The following DKK4 variants were observed in gnomAD, a reference collection of about 807,000 sequenced individuals.
DKK4 encodes the protein dickkopf Wnt signaling pathway inhibitor 4, also known as dickkopf-related protein 4.
DKK4 carries 15 observed loss-of-function variants against 14.5 expected under a neutral mutation model. That is an observed-to-expected ratio of 1.03 (90% confidence interval 0.69 to 1.59). The LOEUF is 1.59. DKK4 is among the 40% of genes most tolerant of loss of function. The pLI, the probability that DKK4 is intolerant of heterozygous loss-of-function variation, is 0.00. For missense variants in DKK4, 272 were observed against 280.3 expected, an observed-to-expected ratio of 0.97 and a Z score of 0.21; for synonymous variants, 89 against 105.2, an observed-to-expected ratio of 0.85 and a Z score of 0.94.
the DKK4 span, among the ~76,000 whole-genome samples, chr8:42,385,993 A>C: frequency 6.6e-6 from 1 of 152,214 alleles, no homozygotes; most frequent in African/African-American, 2.4e-5. Context: ...CAGTTCCAAA[A>C]TTAGCCATTA....
rs763523246 is a variant in DKK4 at position 42,375,760 on chromosome 8, G to A, written c.182C>T (p.Pro61Leu). The A allele has an allele frequency of 8.7e-6, 14 of 1,614,040 alleles. No individual in the cohort carries two copies. The highest frequency in any genetic ancestry group is 3.3e-5 in the Admixed American group (2 of 60,000). The change falls in exon 2 of 4, where the codon CCG becomes CTG. Residue 61 changes from proline to leucine, a missense_variant. Transcript: ENST00000220812. ...CAACCCACGACATGTAGCACAGAAC[G>A]GCTTCTCATCGCGGGGCTGGAGGCA... The part of the protein sequence containing the change: ...KFCLQPRDEK[P>L]FCATCRGLRR...
Position 42,374,856 on chromosome 8 carries a change from T to C in DKK4, c.320A>G (p.Gln107Arg), listed in dbSNP as rs1308752590. The change falls in exon 3 of 4, where the codon CAA (glutamine) becomes CGA (arginine). Residue 107 changes from glutamine to arginine, a missense_variant. By Grantham distance (43) the Gln-to-Arg change is conservative. Coordinates refer to ENST00000220812, the MANE Select transcript of DKK4 (RefSeq NM_014420.3). ...TPILERQLDEQDGTHAEGTTG... is the reference protein window; with the variant it reads ...TPILERQLDERDGTHAEGTTG... ...TGTTCCTTCTGCATGTGTGCCATCT[T>C]GCTCATCAAGCTGCCTTTCTAATAT... 8.1e-6 allele frequency: 13 copies of C among 1,614,130 alleles called. No individual in the cohort carries two copies. The highest frequency in any genetic ancestry group is 1.0e-5 in the Non-Finnish European group (12 of 1,180,060).
chr8:42,379,032 C>T (rs1824614328), upstream of DKK4, among the ~76,000 whole-genome samples: 1 of 150,810 alleles, frequency 6.6e-6, no homozygotes, highest in African/African-American at 2.4e-5. Flanking sequence ...GGATGGATCA[C>T]CTGAGGTCAG....
chr8:42,379,374 TATATAGAGAGAGAGAGAGAGAG>T (rs1272135419), upstream of DKK4, among the ~76,000 whole-genome samples: 120 of 48,378 alleles, frequency 2.5e-3, 1 homozygote, highest in African/African-American at 9.7e-3. Flanking sequence ...TATATATATA[TATATAGAGAGAGAGAGAGAGAG>T]AGAGAGAGAG....
At chr8:42,387,765 T>C in the DKK4 span, among the ~76,000 whole-genome samples, 3 of 152,230 alleles carry the variant, frequency 2.0e-5, no homozygotes, top group Non-Finnish European at 4.4e-5. Context: ...CTGCAGCAGC[T>C]GACTTCCTCC....
upstream of DKK4, among the ~76,000 whole-genome samples, chr8:42,381,560 G>A (rs1329452530): frequency 1.3e-5 from 2 of 152,124 alleles, no homozygotes; most frequent in African/African-American, 4.8e-5. Flanking sequence ...AGCACTGACA[G>A]AATGTGGGCT....
chr8:42,385,487 G>C, the DKK4 span, among the ~76,000 whole-genome samples: 2 of 152,184 alleles, frequency 1.3e-5, no homozygotes, highest in South Asian at 4.1e-4. Flanking sequence ...ATTCATAGCT[G>C]TGTTCATAAC....
At chr8:42,379,412 GAGAGAGAGAGAGAGAA>G (rs1482346658), upstream of DKK4, among the ~76,000 whole-genome samples, 15 of 132,310 alleles carry the variant, frequency 1.1e-4, no homozygotes, top group Admixed American at 1.5e-4. Context: ...GAGAGAGAGA[GAGAGAGAGAGAGAGAA>G]AGATTCAGAC....
upstream of DKK4, among the ~76,000 whole-genome samples, chr8:42,380,613 GAAA>G (rs1452649003): frequency 7.1e-6 from 1 of 141,312 alleles, no homozygotes; most frequent in African/African-American, 2.7e-5. Flanking sequence ...GAAGGAGAAA[GAAA>G]AAGAGAAAGA....
chr8:42,390,859 C>A, the DKK4 span, among the ~76,000 whole-genome samples: 1 of 152,170 alleles, frequency 6.6e-6, no homozygotes, highest in Non-Finnish European at 1.5e-5. Context: ...TCCCTACCAT[C>A]CCCCGTTTGA....
chr8:42,378,199 C>CA (rs1447709082), upstream of DKK4, among the ~76,000 whole-genome samples: 1 of 152,040 alleles, frequency 6.6e-6, no homozygotes, highest in African/African-American at 2.4e-5. Context: ...AGATCTGGAT[C>CA]AAAAAATCAT....
upstream of DKK4, among the ~76,000 whole-genome samples, chr8:42,381,573 G>C (rs1431878055): frequency 6.6e-6 from 1 of 152,078 alleles, no homozygotes; most frequent in Non-Finnish European, 1.5e-5. Flanking sequence ...TGTGGGCTTT[G>C]GGGCCGGGCC....
chr8:42,386,947 A>G, the DKK4 span, among the ~76,000 whole-genome samples: 1 of 152,056 alleles, frequency 6.6e-6, no homozygotes, highest in Admixed American at 6.5e-5. Flanking sequence ...AACTTCCAAG[A>G]TTTTTCTCTG....
upstream of DKK4, among the ~76,000 whole-genome samples, chr8:42,380,398 AG>A (rs1409642582): frequency 7.8e-6 from 1 of 127,968 alleles, no homozygotes; most frequent in Admixed American, 7.0e-5. Context: ...AAAGGAAGGA[AG>A]GAAAAAAGAA....
At chr8:42,381,792 G>A (rs143815670), upstream of DKK4, among the ~76,000 whole-genome samples, 2,696 of 152,296 alleles carry the variant, frequency 0.018, 38 homozygotes, top group Middle Eastern at 0.037. Flanking sequence ...GAGATCAGGA[G>A]TTCAAGACCA....
chr8:42,390,158 T>C, the DKK4 span, among the ~76,000 whole-genome samples: 1 of 152,020 alleles, frequency 6.6e-6, no homozygotes, highest in Non-Finnish European at 1.5e-5. Flanking sequence ...CCTCCCAAAG[T>C]GCTAGGATTA....
chr8:42,374,354 C>T lies in DKK4; in HGVS notation c.421G>A (p.Glu141Lys). The change falls in exon 4 of 4, where the codon GAG becomes AAG. Residue 141 changes from glutamate to lysine, a missense_variant. Physicochemically the swap from Glu to Lys is moderately conservative, Grantham distance 56 (BLOSUM62 1). Coordinates refer to ENST00000220812, the MANE Select transcript of DKK4 (RefSeq NM_014420.3). ...IKKSQGRKGQ[E>K]GESCLRTFDC... The stretch of plus-strand genomic sequence containing the variant: ...AAAGTTCTCAGACAACTTTCTCCCT[C>T]TTGTCCTGTAACAAGGTTAATGTGG... 6.2e-7 allele frequency: 1 copy of T among 1,613,356 alleles called. No homozygotes were observed. The highest frequency in any genetic ancestry group is 8.5e-7 in the Non-Finnish European group (1 of 1,179,890).
At chr8:42,379,374 TATATAGAGAGAGAGAGAGAGAGAGAG>T (rs1193992064), upstream of DKK4, among the ~76,000 whole-genome samples, 1 of 48,396 alleles carries the variant, frequency 2.1e-5, no homozygotes, top group African/African-American at 8.8e-5. Context: ...TATATATATA[TATATAGAGAGAGAGAGAGAGAGAGAG>T]AGAGAGAGAG....
chr8:42,375,739 C>G lies in DKK4; in HGVS notation c.203G>C (p.Gly68Ala). 6.2e-7 allele frequency: 1 copy of G among 1,614,060 alleles called. No individual in the cohort carries two copies. ...ATCTCGCTGGCACCTCCTCCGCAAC[C>G]CACGACATGTAGCACAGAACGGCTT... is the stretch of plus-strand genomic sequence containing the variant. ...DEKPFCATCR[G>A]LRRRCQRDAM... Residue 68 changes from glycine (G) to alanine (A), a missense_variant, in exon 2 of 4, where the codon GGG becomes GCG. Coordinates refer to ENST00000220812, the MANE Select transcript of DKK4 (RefSeq NM_014420.3).
Sources: allele counts gnomAD v4.1 joint callset (sites outside exome capture counted in the v4.1 genomes callset), GRCh38; gene constraint gnomAD v4.1.1; transcripts MANE v1.5; gene names NCBI Gene and HGNC (gene_info 2026-07-23, HGNC 2026-07-21).